The following FTO variants were observed in gnomAD, a reference collection of about 807,000 sequenced individuals.
FTO encodes the protein FTO alpha-ketoglutarate dependent dioxygenase.
A neutral mutation model predicts 63.9 loss-of-function variants in FTO; 47 were observed. The ratio of observed to expected loss-of-function variants is 0.74; its 90% CI spans 0.58 to 0.94. FTO has a LOEUF of 0.94. Among genes scored for constraint, FTO ranks in the 40% least tolerant of loss-of-function variants. The pLI is 0.00. For synonymous variants in FTO, 207 were observed against 224.4 expected (o/e 0.92, Z 0.69); for missense variants, 562 against 618.1 (o/e 0.91, Z 0.96).
At chr16:54,089,717 C>T (rs565322177) in intron 8 of FTO, among the ~76,000 whole-genome samples, 7 of 151,854 alleles carry the variant, frequency 4.6e-5, no homozygotes, top group South Asian at 2.1e-4. Context: ...TTAAAATGAG[C>T]GAAGGATTTC....
chr16:54,021,097 C>T (rs1341711848), intron 8 of FTO, among the ~76,000 whole-genome samples: 3 of 152,210 alleles, frequency 2.0e-5, no homozygotes, highest in African/African-American at 2.4e-5. Flanking sequence ...CATACCATAG[C>T]TACCTGTGCA....
chr16:53,844,715 C>A (rs533402771), intron 4 of FTO, among the ~76,000 whole-genome samples: 1 of 152,214 alleles, frequency 6.6e-6, no homozygotes, highest in South Asian at 2.1e-4. Context: ...CTGCCTCGGT[C>A]CCCCAAAGTG....
In FTO at chr16:54,121,490, C is replaced by T. The variant is rs1165516608; in HGVS notation, c.*9575C>T. 2 of 152,180 alleles carry T rather than the reference C, an allele frequency of 1.3e-5. No individual in the cohort carries two copies. Among genetic ancestry groups the T allele is most frequent in the Non-Finnish European group, 2.9e-5 (2 of 68,050 alleles). The allele number at this position is 152,180 out of a possible 1,614,324, so 9.4% of individuals were successfully genotyped here. A position where few individuals can be genotyped will look rare whatever the true frequency, so the allele number is the denominator to read the frequency against. ...AGGTAGTGAAAGGACCAGGGAAAGCCTTCCCACGGGGATGGAGAGCCACCT... is the reference window on the plus strand; with the variant it reads ...AGGTAGTGAAAGGACCAGGGAAAGCTTTCCCACGGGGATGGAGAGCCACCT... On this transcript the variant is annotated 3_prime_UTR_variant, in exon 9 of 9. Coordinates refer to ENST00000471389, the MANE Select transcript of FTO (RefSeq NM_001080432.3).
Position 53,823,718 on chromosome 16 carries a change from C to T in FTO, c.124-2146C>T, listed in dbSNP as rs550591201. Among the ~76,000 whole-genome samples, 9 of 152,268 alleles carry T rather than the reference C, an allele frequency of 5.9e-5. No homozygotes were observed. In the South Asian group the frequency reaches 1.7e-3, roughly 28 times the overall value. On this transcript the variant is annotated intron_variant, in intron 2 of 8. Transcript: ENST00000471389. ...CCTGAGCAACAGGGAGAAACCCCGT[C>T]TCTACTAAAAATACAAAATTAGCCA...
At chr16:53,712,121 A>C (rs1308590674) in intron 1 of FTO, among the ~76,000 whole-genome samples, 1 of 152,204 alleles carries the variant, frequency 6.6e-6, no homozygotes, top group African/African-American at 2.4e-5. Flanking sequence ...ACTCAACAAA[A>C]GAAAGTTTGT....
rs1487450011 is a variant in FTO, at chr16:54,117,314, A to G, written c.*5399A>G. On this transcript the variant is annotated 3_prime_UTR_variant, in exon 9 of 9. Coordinates refer to ENST00000471389, the MANE Select transcript of FTO (RefSeq NM_001080432.3). Reference sequence around the variant, plus strand: ...CTTCAGTGAGGTACTAGCTATTATTATTAACCAAGTTTCCTGTGGTAACAG... The same window carrying G: ...CTTCAGTGAGGTACTAGCTATTATTGTTAACCAAGTTTCCTGTGGTAACAG... 6.6e-6 allele frequency: 1 copy of G among 152,206 alleles called. No homozygotes were observed. The highest frequency in any genetic ancestry group is 1.5e-5 in the Non-Finnish European group (1 of 68,044). The allele number at this position is 152,206 out of a possible 1,614,324, so 9.4% of individuals were successfully genotyped here.
At chr16:54,003,164 C>T (rs2084108996) in intron 8 of FTO, among the ~76,000 whole-genome samples, 1 of 152,192 alleles carries the variant, frequency 6.6e-6, no homozygotes, top group Non-Finnish European at 1.5e-5. Context: ...CTCTGGATGG[C>T]AGGAGGGACT....
chr16:54,101,060 C>T (rs1198122001), intron 8 of FTO, among the ~76,000 whole-genome samples: 2 of 152,240 alleles, frequency 1.3e-5, no homozygotes, highest in South Asian at 2.1e-4. Flanking sequence ...ACGATCTGAG[C>T]ACTTTTACCC....
At chr16:54,025,598 T>C (rs1341039703) in intron 8 of FTO, among the ~76,000 whole-genome samples, 1 of 151,898 alleles carries the variant, frequency 6.6e-6, no homozygotes, top group Non-Finnish European at 1.5e-5. Flanking sequence ...TGACGCGTGC[T>C]TGTAATCTCA....
chr16:53,961,777 G>A (rs1410255428), intron 8 of FTO, among the ~76,000 whole-genome samples: 2 of 152,206 alleles, frequency 1.3e-5, no homozygotes, highest in African/African-American at 4.8e-5. Context: ...GACCAACATT[G>A]ACAGTGATTT....
intron 1 of FTO, among the ~76,000 whole-genome samples, chr16:53,724,239 T>G (rs2076102011): frequency 1.3e-5 from 2 of 152,224 alleles, no homozygotes; most frequent in East Asian, 3.9e-4. Context: ...ATTTGTTGGA[T>G]GAATAATGTC....
intron 7 of FTO, among the ~76,000 whole-genome samples, chr16:53,908,232 A>G (rs8056040): frequency 0.096 from 14,607 of 152,292 alleles, 848 homozygotes; most frequent in Admixed American, 0.16. Flanking sequence ...ATCCCTTGTC[A>G]GATTTTCGTT....
chr16:53,923,300 A>G (rs1410910912), intron 7 of FTO, among the ~76,000 whole-genome samples: 3 of 152,240 alleles, frequency 2.0e-5, no homozygotes, highest in African/African-American at 4.8e-5. Context: ...AGCCAACAGC[A>G]TAACTTCGAC....
At chr16:53,882,371 A>AG (rs1313919722) in intron 6 of FTO, among the ~76,000 whole-genome samples, 1 of 83,700 alleles carries the variant, frequency 1.2e-5, no homozygotes, top group Non-Finnish European at 2.3e-5. Flanking sequence ...TAAGTGCTAC[A>AG]GGAAAAAAAA....
chr16:53,946,973 C>T (rs538702524), intron 8 of FTO, among the ~76,000 whole-genome samples: 1 of 152,330 alleles, frequency 6.6e-6, no homozygotes, highest in East Asian at 1.9e-4. Context: ...TAATTATAAC[C>T]TACAAGACTG....
rs184970434 is a variant in FTO, at chr16:53,822,703, A to G, written c.124-3161A>G. The stretch of plus-strand genomic sequence containing the variant: ...TATTTGTGTGTATATGTGTGTGTGT[A>G]TATATATATATGCATACATATTTTA... On this transcript the variant is annotated intron_variant, in intron 2 of 8. Coordinates refer to ENST00000471389, the MANE Select transcript of FTO (RefSeq NM_001080432.3). 8.8e-4 allele frequency among the ~76,000 whole-genome samples: 132 copies of G among 150,246 alleles called. 1 individual carries two copies. Among genetic ancestry groups the G allele is most frequent in the African/African-American group, 1.7e-3 (70 of 41,358 alleles).
At chr16:53,733,491 C>T (rs529595990) in intron 1 of FTO, among the ~76,000 whole-genome samples, 4 of 152,168 alleles carry the variant, frequency 2.6e-5, no homozygotes, top group South Asian at 4.1e-4. Flanking sequence ...GATATCAACA[C>T]GGAAAATTAG....
At chr16:54,069,615 T>G (rs1294172012) in intron 8 of FTO, among the ~76,000 whole-genome samples, 2 of 152,214 alleles carry the variant, frequency 1.3e-5, no homozygotes, top group Non-Finnish European at 2.9e-5. Flanking sequence ...AATTTTCTTT[T>G]GTAATTAGAA....
rs75569526 is a variant in FTO at position 53,961,729 on chromosome 16, C to T, written c.1364+27620C>T. On this transcript the variant is annotated intron_variant, in intron 8 of 8. Transcript: ENST00000471389. ...ACACTTTCGCTTCTAATTCAGTCAG[C>T]ATATGTTGGGATCTACCCTGGGGAA... 2.7e-3 allele frequency among the ~76,000 whole-genome samples: 418 copies of T among 152,288 alleles called. 2 individuals are homozygous for T. The highest frequency in any genetic ancestry group is 9.3e-3 in the African/African-American group (387 of 41,544).
Sources: gnomAD v4.1 joint callset for allele counts (sites outside exome capture counted in the v4.1 genomes callset) on GRCh38, gnomAD v4.1.1 for gene constraint, MANE v1.5 for transcripts, NCBI Gene and HGNC (gene_info 2026-07-23, HGNC 2026-07-21) for gene names.